CLVS1: variants seen among roughly 807,000 people sequenced by gnomAD.
CLVS1 encodes the protein clavesin-1.
A neutral mutation model predicts 33.1 loss-of-function variants in CLVS1; 10 were observed. The observed-to-expected ratio is 0.30, with a 90% CI of 0.19 to 0.51. The LOEUF is 0.51. Ranked by LOEUF, CLVS1 falls within the 20% of genes least tolerant of loss-of-function variation. CLVS1 has a pLI of 0.97. For synonymous variants in CLVS1, 163 were observed against 166.1 expected (o/e 0.98, Z 0.14); for missense variants, 343 against 433.4 (o/e 0.79, Z 1.85).
intron 4 of CLVS1, among the ~76,000 whole-genome samples, chr8:61,455,871 G>C (rs1201895969): frequency 1.3e-5 from 2 of 152,270 alleles, no homozygotes; most frequent in East Asian, 3.9e-4. Context: ...GATGCTTCCA[G>C]GTCCTTTAGA....
At chr8:61,186,813 C>T (rs1482504968) in intron 2 of CLVS1, among the ~76,000 whole-genome samples, 4 of 152,186 alleles carry the variant, frequency 2.6e-5, no homozygotes, top group African/African-American at 9.7e-5. Flanking sequence ...TCATCTAGCT[C>T]TGTAGTTTCA....
intron 1 of CLVS1, among the ~76,000 whole-genome samples, chr8:61,083,371 G>A (rs777984535): frequency 8.5e-5 from 13 of 152,112 alleles, no homozygotes; most frequent in Non-Finnish European, 1.6e-4. Flanking sequence ...CCAGTGGGCC[G>A]CCTGGGAAAA....
chr8:61,266,323 G>A (rs1429726375), intron 2 of CLVS1, among the ~76,000 whole-genome samples: 1 of 141,824 alleles, frequency 7.1e-6, no homozygotes, highest in Non-Finnish European at 1.5e-5. Context: ...CCTCATAAAT[G>A]CATAGCTGAA....
intron 2 of CLVS1, among the ~76,000 whole-genome samples, chr8:61,259,346 CGTATATAA>C (rs1809151601): frequency 1.3e-5 from 2 of 152,094 alleles, no homozygotes; most frequent in Non-Finnish European, 2.9e-5. Context: ...TACATTCACT[CGTATATAA>C]GCTGAGATGT....
At chr8:61,122,051 A>T (rs2129289880) in intron 1 of CLVS1, among the ~76,000 whole-genome samples, 1 of 152,326 alleles carries the variant, frequency 6.6e-6, no homozygotes, top group Admixed American at 6.5e-5. Flanking sequence ...TTTGGTGAAC[A>T]TTTCTTCTGG....
Position 61,212,625 on chromosome 8 carries a change from C to T in CLVS1, c.-152+80765C>T, listed in dbSNP as rs146830719. ...AAGATAGAAGCAGGAAGTCCAGTCA[C>T]GTGGTTGTCACAGTGATAGGAGCTA... On this transcript the variant is annotated intron_variant, in intron 2 of 2. Transcript: ENST00000522621. Among the ~76,000 whole-genome samples, 83 of 152,242 alleles carry T rather than the reference C, an allele frequency of 5.5e-4. No individual in the cohort carries two copies. In the Middle Eastern group the frequency reaches 0.01, roughly 19 times the overall value.
chr8:61,118,819 G>T (rs1256640158), intron 1 of CLVS1, among the ~76,000 whole-genome samples: 6 of 152,300 alleles, frequency 3.9e-5, no homozygotes, highest in Admixed American at 3.3e-4. Flanking sequence ...GAAGAGGTGT[G>T]GTGTGGTGCT....
At chr8:61,159,319 C>T (rs1226594200) in intron 2 of CLVS1, among the ~76,000 whole-genome samples, 2 of 152,188 alleles carry the variant, frequency 1.3e-5, no homozygotes, top group Admixed American at 6.5e-5. Flanking sequence ...CCTACCTCAT[C>T]TGCCTTAAAC....
intron 5 of CLVS1, among the ~76,000 whole-genome samples, chr8:61,487,228 G>C (rs566528757): frequency 2.0e-5 from 3 of 152,224 alleles, no homozygotes; most frequent in Middle Eastern, 3.4e-3. Flanking sequence ...ACTGCAATAT[G>C]GATGTTCCCT....
chr8:61,191,327 G>A (rs4551349), intron 2 of CLVS1, among the ~76,000 whole-genome samples: 34 of 151,884 alleles, frequency 2.2e-4, no homozygotes, highest in African/African-American at 7.5e-4. Context: ...ATTCAACAGC[G>A]CTTCATGCTA....
At chr8:61,311,185 G>T (rs989113121) in intron 2 of CLVS1, among the ~76,000 whole-genome samples, 1 of 152,200 alleles carries the variant, frequency 6.6e-6, no homozygotes, top group African/African-American at 2.4e-5. Flanking sequence ...CTGAAAAGCT[G>T]TTGATTGATG....
chr8:61,376,501 C>T (rs10957192), intron 2 of CLVS1, 104 bp from the exon 3 acceptor site: 681,176 of 1,008,426 alleles, frequency 0.68, 240,321 homozygotes, highest in Non-Finnish European at 0.73. Flanking sequence ...ACCCTCCAGG[C>T]GGGGTTCATG....
At chr8:60,994,723 T>C in the CLVS1 span, among the ~76,000 whole-genome samples, 1 of 152,282 alleles carries the variant, frequency 6.6e-6, no homozygotes, top group African/African-American at 2.4e-5. Flanking sequence ...CATATGAACT[T>C]TAAAGTAGTT....
the CLVS1 span, among the ~76,000 whole-genome samples, chr8:61,020,047 C>T: frequency 6.6e-6 from 1 of 152,190 alleles, no homozygotes; most frequent in African/African-American, 2.4e-5. Context: ...CAGAGAGAGG[C>T]CAGTCAGGTG....
the CLVS1 span, among the ~76,000 whole-genome samples, chr8:61,003,977 T>C: frequency 6.6e-6 from 1 of 152,158 alleles, no homozygotes; most frequent in Non-Finnish European, 1.5e-5. Flanking sequence ...CATTTGAGCC[T>C]CATTTGAGGG....
intron 2 of CLVS1, among the ~76,000 whole-genome samples, chr8:61,314,455 T>C (rs1810944525): frequency 2.0e-5 from 3 of 152,212 alleles, no homozygotes; most frequent in African/African-American, 7.2e-5. Context: ...AGGCCAGTTT[T>C]AAAATTTTAT....
chr8:61,243,563 A>G (rs1808740899), intron 2 of CLVS1, among the ~76,000 whole-genome samples: 2 of 152,214 alleles, frequency 1.3e-5, no homozygotes, highest in South Asian at 2.1e-4. Context: ...CAGAAACATG[A>G]GTAACTTCTG....
At chr8:61,014,101 T>TC in the CLVS1 span, among the ~76,000 whole-genome samples, 1 of 151,776 alleles carries the variant, frequency 6.6e-6, no homozygotes, top group African/African-American at 2.4e-5. Flanking sequence ...TTTTTTTTTT[T>TC]TTTCTTTCTT....
chr8:61,224,612 G>A (rs544587251), intron 2 of CLVS1, among the ~76,000 whole-genome samples: 1 of 152,180 alleles, frequency 6.6e-6, no homozygotes, highest in Admixed American at 6.5e-5. Context: ...CCTGTATAAG[G>A]TGTCTGACAA....
Sources: gnomAD v4.1 joint callset for allele counts (sites outside exome capture counted in the v4.1 genomes callset) on GRCh38, gnomAD v4.1.1 for gene constraint, MANE v1.5 for transcripts, NCBI Gene and HGNC (gene_info 2026-07-23, HGNC 2026-07-21) for gene names.